CD1B: variants seen among roughly 807,000 people sequenced by gnomAD.
CD1B encodes the protein CD1b molecule.
In CD1B, 43 loss-of-function variants were observed where a neutral mutation model predicts 39.8. That is an observed-to-expected ratio of 1.08 (90% confidence interval 0.85 to 1.39). CD1B has a LOEUF of 1.39. Among genes scored for constraint, CD1B ranks in the 40% most tolerant of loss-of-function variants. CD1B has a pLI of 0.00. For synonymous variants in CD1B, 192 were observed against 152.5 expected (o/e 1.26, Z -1.91); for missense variants, 495 against 403.8 (o/e 1.23, Z -1.94).
At chr1:158,304,242 T>A in the CD1B span, among the ~76,000 whole-genome samples, 29 of 152,260 alleles carry the variant, frequency 1.9e-4, 1 homozygote, top group East Asian at 3.9e-3. Flanking sequence ...ATTCCCACCC[T>A]AATACTGTGC....
the CD1B span, among the ~76,000 whole-genome samples, chr1:158,299,420 T>G: frequency 3.3e-5 from 5 of 152,210 alleles, no homozygotes; most frequent in African/African-American, 1.2e-4. Flanking sequence ...TGTTTGCCAG[T>G]ATTTTACTGA....
chr1:158,303,975 C>T, the CD1B span, among the ~76,000 whole-genome samples: 5 of 152,014 alleles, frequency 3.3e-5, no homozygotes, highest in East Asian at 1.9e-4. Flanking sequence ...CCAAGATGGC[C>T]GAATAGGAAC....
chr1:158,310,860 T>C, the CD1B span, among the ~76,000 whole-genome samples: 1 of 152,196 alleles, frequency 6.6e-6, no homozygotes, highest in Non-Finnish European at 1.5e-5. Context: ...TACACTCTGC[T>C]GGTGGGAATG....
At chr1:158,301,891 G>A in the CD1B span, among the ~76,000 whole-genome samples, 1 of 152,062 alleles carries the variant, frequency 6.6e-6, no homozygotes, top group Non-Finnish European at 1.5e-5. Flanking sequence ...TTCCAGCTTG[G>A]TTCCATTCTC....
At chr1:158,291,057 C>T in the CD1B span, 9 of 1,445,350 alleles carry the variant, frequency 6.2e-6, no homozygotes, top group Admixed American at 6.9e-5. Flanking sequence ...ACTGGTTCAC[C>T]TTCCATTTTC....
the CD1B span, chr1:158,292,229 G>A: frequency 6.2e-7 from 1 of 1,614,106 alleles, no homozygotes; most frequent in Non-Finnish European, 8.5e-7. Context: ...GTGGAAGTTT[G>A]GCCCAAAGTG....
the CD1B span, among the ~76,000 whole-genome samples, chr1:158,317,260 T>C: frequency 1.3e-5 from 2 of 152,152 alleles, no homozygotes; most frequent in African/African-American, 4.8e-5. Context: ...CTTGTACCTC[T>C]GGTAGAATTC....
the CD1B span, among the ~76,000 whole-genome samples, chr1:158,305,644 T>G: frequency 6.6e-6 from 1 of 151,920 alleles, no homozygotes; most frequent in African/African-American, 2.4e-5. Flanking sequence ...TTCACCAAAG[T>G]TGAAATGAAG....
At chr1:158,318,490 G>A in the CD1B span, among the ~76,000 whole-genome samples, 1 of 152,078 alleles carries the variant, frequency 6.6e-6, no homozygotes, top group Non-Finnish European at 1.5e-5. Flanking sequence ...TGCAATCCCT[G>A]CCTTTTTTTG....
Position 158,330,913 on chromosome 1 carries a change from A to G in CD1B, c.211T>C (p.Trp71Arg). 6.2e-7 allele frequency: 1 copy of G among 1,614,070 alleles called. No individual in the cohort carries two copies. The highest frequency in any genetic ancestry group is 8.5e-7 in the Non-Finnish European group (1 of 1,179,960). Reference protein sequence around the residue: ...DSGTAIFLKPWSKGNFSDKEV... With the variant: ...DSGTAIFLKPRSKGNFSDKEV... ...TTATCACTAAAGTTACCTTTAGACC[A>G]AGGCTTCAGGAATATGGCAGTGCCT... The change falls in exon 2 of 6, where the codon TGG becomes CGG. Residue 71 changes from tryptophan to arginine, a missense_variant. By Grantham distance (101) the Trp-to-Arg change is moderately radical (BLOSUM62 -3). Transcript: ENST00000368168.
At chr1:158,287,684 C>T in the CD1B span, among the ~76,000 whole-genome samples, 1 of 152,116 alleles carries the variant, frequency 6.6e-6, no homozygotes, top group East Asian at 1.9e-4. Context: ...TTGTTTGCTT[C>T]TGAATTCAAG....
At chr1:158,293,282 G>A in the CD1B span, 2 of 1,613,944 alleles carry the variant, frequency 1.2e-6, no homozygotes, top group Non-Finnish European at 1.7e-6. Flanking sequence ...TAGTCCTTGT[G>A]TTATGGTTTA....
intron 1 of CD1B, 52 bp downstream of exon 1, chr1:158,331,311 T>C: frequency 6.4e-7 from 1 of 1,554,046 alleles, no homozygotes; most frequent in Non-Finnish European, 8.9e-7. Context: ...TGCTTGCTTT[T>C]TAAAATCCAA....
chr1:158,293,378 C>G, the CD1B span: 1 of 1,591,160 alleles, frequency 6.3e-7, no homozygotes, highest in Non-Finnish European at 8.6e-7. Context: ...TAGCTTTTCT[C>G]TATTGACTAC....
the CD1B span, among the ~76,000 whole-genome samples, chr1:158,297,581 T>C: frequency 6.6e-6 from 1 of 152,112 alleles, no homozygotes; most frequent in African/African-American, 2.4e-5. Context: ...AATCAACTTC[T>C]CACTTATCAA....
At chr1:158,297,515 C>G in the CD1B span, among the ~76,000 whole-genome samples, 2 of 152,122 alleles carry the variant, frequency 1.3e-5, no homozygotes, top group Non-Finnish European at 2.9e-5. Context: ...ACCAGTGACA[C>G]TATAAAGGAA....
Position 158,329,888 on chromosome 1 carries a change from C to A in CD1B, c.571G>T (p.Val191Phe). ...YETCPRYLLG[V>F]LNAGKADLQR... The stretch of plus-strand genomic sequence containing the variant: ...AGATCTGCTTTTCCTGCATTGAGGA[C>A]GCCCAAGAGATATCGGGGGCAGGTT... The change falls in exon 3 of 6, where the codon GTC becomes TTC. Residue 191 changes from valine to phenylalanine, a missense_variant. Coordinates refer to ENST00000368168, the MANE Select transcript of CD1B (RefSeq NM_001764.3). The A allele has an allele frequency of 6.8e-6, 11 of 1,613,954 alleles. No individual in the cohort carries two copies. Among genetic ancestry groups the A allele is most frequent in the African/African-American group, 1.3e-5 (1 of 75,024 alleles).
the CD1B span, chr1:158,293,545 A>AT: frequency 1.2e-6 from 2 of 1,613,992 alleles, no homozygotes; most frequent in East Asian, 4.5e-5. Context: ...CAATATAGTG[A>AT]TGCCATCCCG....
chr1:158,326,786 A>AATTATTATTATTATTATT (rs374291885), downstream of CD1B, among the ~76,000 whole-genome samples: 33 of 149,642 alleles, frequency 2.2e-4, no homozygotes, highest in African/African-American at 7.1e-4. Flanking sequence ...GCACATATAA[A>AATTATTATTATTATTATT]ATTATTATTA....
Sources: allele counts gnomAD v4.1 joint callset (sites outside exome capture counted in the v4.1 genomes callset), GRCh38; gene constraint gnomAD v4.1.1; transcripts MANE v1.5; gene names NCBI Gene and HGNC (gene_info 2026-07-23, HGNC 2026-07-21).